Variants in SMAD5 observed in about 807,000 individuals in gnomAD.
SMAD5 encodes the protein MAD, mothers against decapentaplegic homolog 5.
Under a neutral mutation model 43.1 loss-of-function variants are expected in SMAD5, and 9 were observed. The ratio of observed to expected loss-of-function variants is 0.21; its 90% CI spans 0.13 to 0.36. The LOEUF is 0.36. Among genes scored for constraint, SMAD5 ranks in the 10% least tolerant of loss-of-function variants. SMAD5 has a pLI of 1.00. For missense variants in SMAD5, 348 were observed against 574.0 expected, an observed-to-expected ratio of 0.61 and a Z score of 4.02; for synonymous variants, 190 against 192.4, an observed-to-expected ratio of 0.99 and a Z score of 0.10.
intron 6 of SMAD5, chr5:136,172,951 G>A (rs1160229065): frequency 2.7e-6 from 1 of 370,328 alleles, no homozygotes; most frequent in Non-Finnish European, 5.0e-6. Flanking sequence ...TTTGTTCACA[G>A]CAGTATCCCC....
rs115690247 is a variant in SMAD5, at chr5:136,175,852, C to T, written c.1254+1220C>T. On this transcript the variant is annotated intron_variant, in intron 7 of 7. Coordinates refer to ENST00000545279, the MANE Select transcript of SMAD5 (RefSeq NM_005903.7). The stretch of plus-strand genomic sequence containing the variant: ...TTGCATATTTATTTTAATCTCCACT[C>T]CCCAATGTTCTTCACTCCCCTGACC... 8.3e-3 allele frequency among the ~76,000 whole-genome samples: 1,269 copies of T among 152,302 alleles called. 8 individuals are homozygous for T. The highest frequency in any genetic ancestry group is 0.013 in the Non-Finnish European group (880 of 68,030).
rs953831995 is a variant in SMAD5 at position 136,179,405 on chromosome 5, A to G, written c.*1925A>G. The G allele has an allele frequency of 9.8e-5, 15 of 152,398 alleles. No individual in the cohort carries two copies. Among genetic ancestry groups the G allele is most frequent in the African/African-American group, 2.9e-4 (12 of 41,368 alleles). The allele number at this position is 152,398 out of a possible 1,614,324, so 9.4% of individuals were successfully genotyped here. On this transcript the variant is annotated 3_prime_UTR_variant, in exon 8 of 8. Coordinates refer to ENST00000545279, the MANE Select transcript of SMAD5 (RefSeq NM_005903.7). ...TTTTGAAAGTATATGGAGTCATATCATTCTTCTGTTTAAAATGTTAGTTTG... is the reference window on the plus strand; with the variant it reads ...TTTTGAAAGTATATGGAGTCATATCGTTCTTCTGTTTAAAATGTTAGTTTG...
chr5:136,145,910 G>A (rs1320182019), intron 1 of SMAD5, among the ~76,000 whole-genome samples: 3 of 151,852 alleles, frequency 2.0e-5, no homozygotes, highest in African/African-American at 7.2e-5. Flanking sequence ...AAGCTTTTAT[G>A]CTTAAGATAA....
At chr5:136,136,899 G>A (rs765069721) in intron 1 of SMAD5, among the ~76,000 whole-genome samples, 5 of 152,028 alleles carry the variant, frequency 3.3e-5, no homozygotes, top group African/African-American at 9.7e-5. Flanking sequence ...GTTTCACCTC[G>A]TTGGCCAGGC....
intron 1 of SMAD5, among the ~76,000 whole-genome samples, chr5:136,142,581 C>T (rs1349402391): frequency 1.3e-5 from 2 of 151,994 alleles, no homozygotes; most frequent in East Asian, 1.9e-4. Context: ...TGACAAAATA[C>T]ATCAATAAAA....
At chr5:136,170,151 AG>A (rs377073683) in intron 5 of SMAD5, among the ~76,000 whole-genome samples, 42 of 152,234 alleles carry the variant, frequency 2.8e-4, no homozygotes, top group African/African-American at 9.6e-4. Context: ...ACCTAAAAAA[AG>A]GCATCATCAT....
At chr5:136,158,059 G>T (rs1020591335) in intron 3 of SMAD5, among the ~76,000 whole-genome samples, 1 of 152,078 alleles carries the variant, frequency 6.6e-6, no homozygotes, top group Non-Finnish European at 1.5e-5. Context: ...ACATTAAGTG[G>T]CCTGGAATCA....
At position 136,181,284 on chromosome 5, in the gene SMAD5, A is replaced by G. The variant is rs1050859423; in HGVS notation, c.*3804A>G. 6.6e-6 allele frequency: 1 copy of G among 152,116 alleles called. No homozygotes were observed. Among genetic ancestry groups the G allele is most frequent in the Non-Finnish European group, 1.5e-5 (1 of 67,972 alleles). 9.4% of individuals were successfully genotyped at this position (152,116 alleles called of 1,614,324 possible). A position where few individuals can be genotyped will look rare whatever the true frequency, so the allele number is the denominator to read the frequency against. ...CCTTTTGTGATGACTTATATTTTGG[A>G]CTTACATTTTAACTTTAAAGAATGT... On this transcript the variant is annotated 3_prime_UTR_variant, in exon 8 of 8. Coordinates refer to ENST00000545279, the MANE Select transcript of SMAD5 (RefSeq NM_005903.7).
chr5:136,140,332 C>T (rs1561639818), intron 1 of SMAD5, among the ~76,000 whole-genome samples: 1 of 152,154 alleles, frequency 6.6e-6, no homozygotes, highest in Admixed American at 6.5e-5. Context: ...GTGCTCAGAG[C>T]TCTCCACTGA....
At chr5:136,167,485 A>G (rs535771978) in intron 5 of SMAD5, among the ~76,000 whole-genome samples, 2 of 152,192 alleles carry the variant, frequency 1.3e-5, no homozygotes, top group East Asian at 3.9e-4. Flanking sequence ...TATTCTATTA[A>G]AAAAATAGTT....
chr5:136,167,125 C>T (rs1267964708), intron 5 of SMAD5, among the ~76,000 whole-genome samples: 3 of 152,112 alleles, frequency 2.0e-5, no homozygotes. Context: ...TTTTCTGGTT[C>T]CTCTTTTCCT....
intron 2 of SMAD5, among the ~76,000 whole-genome samples, chr5:136,149,990 T>C (rs2149766079): frequency 1.3e-5 from 2 of 152,008 alleles, no homozygotes; most frequent in African/African-American, 4.8e-5. Context: ...GTTTACATTC[T>C]CTTTAAACTC....
rs1349613258 is a variant in SMAD5, at chr5:136,153,946, G to A, written c.186G>A (p.Pro62=). 8 of 1,612,242 alleles carry A rather than the reference G, an allele frequency of 5.0e-6. No individual in the cohort carries two copies. The highest frequency in any genetic ancestry group is 5.9e-6 in the Non-Finnish European group (7 of 1,179,398). ...AAGCCTTGAGCAGTCCAGGACAGCCGAGTAAATGTGTCACTATTCCCAGAT... is the reference window on the plus strand; with the variant it reads ...AAGCCTTGAGCAGTCCAGGACAGCCAAGTAAATGTGTCACTATTCCCAGAT... ...LEKALSSPGQ[P]SKCVTIPRSL... Residue 62 remains proline (P), a synonymous_variant, in exon 3 of 8, where the codon CCG becomes CCA. Transcript: ENST00000545279.
intron 1 of SMAD5, among the ~76,000 whole-genome samples, chr5:136,137,598 C>G (rs1185980893): frequency 6.6e-6 from 1 of 152,124 alleles, no homozygotes; most frequent in East Asian, 1.9e-4. Context: ...AGTATCCTAT[C>G]TGGTAGGCTG....
intron 6 of SMAD5, among the ~76,000 whole-genome samples, chr5:136,173,835 C>T (rs942836106): frequency 2.0e-5 from 3 of 150,924 alleles, no homozygotes; most frequent in Admixed American, 1.3e-4. Flanking sequence ...TTTGCCCTCA[C>T]ATCTTGCAAA....
chr5:136,150,080 A>C (rs538478539), intron 2 of SMAD5, among the ~76,000 whole-genome samples: 58 of 152,024 alleles, frequency 3.8e-4, no homozygotes, highest in African/African-American at 1.3e-3. Context: ...ACTCACTATC[A>C]GGAAACTCTT....
rs1391541297 is a variant in SMAD5 at position 136,132,912 on chromosome 5, GA to G, written c.-294del. The G allele has an allele frequency of 6.6e-6, 1 of 152,274 alleles. No homozygotes were observed. Among genetic ancestry groups the G allele is most frequent in the Non-Finnish European group, 1.5e-5 (1 of 68,074 alleles). The allele number at this position is 152,274 out of a possible 1,614,324, so 9.4% of individuals were successfully genotyped here. On this transcript the variant is annotated 5_prime_UTR_variant, in exon 1 of 8. Coordinates refer to ENST00000545279, the MANE Select transcript of SMAD5 (RefSeq NM_005903.7). Reference sequence around the variant, plus strand: ...GCCGAGCTGCTAATAAAGTTGCAGCGAGGAGAAGCGCAGCGACGGCGTCGGG... The same window carrying G: ...GCCGAGCTGCTAATAAAGTTGCAGCGGGAGAAGCGCAGCGACGGCGTCGGG...
chr5:136,153,497 C>A, intron 2 of SMAD5, 95 bp from the exon 3 acceptor site: 1 of 287,830 alleles, frequency 3.5e-6, no homozygotes, highest in Non-Finnish European at 6.4e-6. Context: ...CTTTTCTGTT[C>A]TTATTTAATA....
intron 3 of SMAD5, among the ~76,000 whole-genome samples, chr5:136,155,589 ACT>A (rs1218477052): frequency 6.6e-6 from 1 of 152,034 alleles, no homozygotes; most frequent in African/African-American, 2.4e-5. Context: ...TTTCTGTAAG[ACT>A]CTGTATGACC....
Sources: gnomAD v4.1 joint callset for allele counts (sites outside exome capture counted in the v4.1 genomes callset) on GRCh38, gnomAD v4.1.1 for gene constraint, MANE v1.5 for transcripts, NCBI Gene and HGNC (gene_info 2026-07-23, HGNC 2026-07-21) for gene names.